Variants in ROS1 observed in about 807,000 individuals in gnomAD.
ROS1 encodes the protein ROS proto-oncogene 1, receptor tyrosine kinase, also known as proto-oncogene tyrosine-protein kinase ROS.
ROS1 carries 263 observed loss-of-function variants against 273.5 expected under a neutral mutation model. The observed-to-expected ratio is 0.96, with a 90% CI of 0.87 to 1.06. ROS1 has a LOEUF of 1.06. Among genes scored for constraint, ROS1 ranks in the 50% least tolerant of loss-of-function variants. ROS1 has a pLI of 0.00. For synonymous variants in ROS1, 1,008 were observed against 954.1 expected (o/e 1.06, Z -1.04); for missense variants, 2,833 against 2,751.1 (o/e 1.03, Z -0.67).
At position 117,317,140 on chromosome 6, in the gene ROS1, T is replaced by C. The variant is rs201754981; in HGVS notation, c.6117+3A>G. On this transcript the variant is annotated splice_donor_region_variant and intron_variant, in intron 39 of 43. Coordinates refer to ENST00000368507, the MANE Select transcript of ROS1 (RefSeq NM_001378902.1). ...ACCAATATTATGGATCCCAACTGCC[T>C]ACCGTTGCCATCCGGGCTTTACGCA... is the stretch of plus-strand genomic sequence containing the variant. 11 of 1,610,868 alleles carry C rather than the reference T, an allele frequency of 6.8e-6. No individual in the cohort carries two copies. Among genetic ancestry groups the C allele is most frequent in the Non-Finnish European group, 9.3e-6 (11 of 1,178,814 alleles).
intron 38 of ROS1, 22 bp downstream of exon 38, chr6:117,318,166 G>A (rs1447534213): frequency 2.5e-6 from 4 of 1,598,998 alleles, no homozygotes; most frequent in Non-Finnish European, 3.4e-6. Flanking sequence ...CCCATACCAG[G>A]AGAAAATTAT....
intron 39 of ROS1, among the ~76,000 whole-genome samples, chr6:117,315,771 G>C (rs535561887): frequency 6.6e-6 from 1 of 152,264 alleles, no homozygotes; most frequent in Admixed American, 6.5e-5. Context: ...TTCCCAGGTT[G>C]AATGTGAAGG....
chr6:117,371,679 C>T (rs1032773866), intron 18 of ROS1, among the ~76,000 whole-genome samples: 2 of 152,194 alleles, frequency 1.3e-5, no homozygotes, highest in Admixed American at 6.5e-5. Context: ...AGCAGGGAGG[C>T]TTGTAACCTG....
intron 13 of ROS1, 69 bp downstream of exon 13, chr6:117,389,281 C>T (rs201237437): frequency 1.1e-4 from 163 of 1,505,538 alleles, no homozygotes; most frequent in East Asian, 1.0e-3. Context: ...TGAATCACAA[C>T]GCCAAGCAGT....
At position 117,425,688 on chromosome 6, in the gene ROS1, G is replaced by T. The variant is rs149360578; in HGVS notation, c.-32C>A. The T allele has an allele frequency of 3.2e-5, 51 of 1,605,620 alleles. No individual in the cohort carries two copies. In the South Asian group the frequency reaches 5.2e-4, roughly 16 times the overall value. ...ACCAATGGCAGATTTTTAGATGGCC[G>T]GTCTAATTTTCTCCATTTTGCTATA... On this transcript the variant is annotated 5_prime_UTR_variant, in exon 1 of 44. Coordinates refer to ENST00000368507, the MANE Select transcript of ROS1 (RefSeq NM_001378902.1).
chr6:117,409,722 C>A, intron 4 of ROS1, 80 bp from the exon 5 acceptor site: 1 of 1,070,726 alleles, frequency 9.3e-7, no homozygotes, highest in South Asian at 1.3e-5. Context: ...ATTTTAAAAT[C>A]CGAATGCCTA....
At chr6:117,318,395 T>G in intron 37 of ROS1, 143 bp from the exon 38 acceptor site, 1 of 638,546 alleles carries the variant, frequency 1.6e-6, no homozygotes. Flanking sequence ...GTGCATGTAT[T>G]CTACAAACCC....
intron 12 of ROS1, among the ~76,000 whole-genome samples, chr6:117,392,792 T>C (rs766935840): frequency 5.9e-5 from 9 of 152,140 alleles, no homozygotes; most frequent in South Asian, 2.1e-4. Flanking sequence ...AACCTCTTGA[T>C]AGATGTGAGA....
rs148185831 is a variant in ROS1, at chr6:117,394,637, C to G, written c.985G>C (p.Ala329Pro). The change falls in exon 10 of 44, where the codon GCT becomes CCT. Residue 329 changes from alanine to proline, a missense_variant. Ala to Pro is a conservative substitution (Grantham distance 27). Transcript: ENST00000368507. ...VDEAHCLRLD[A>P]IYHNITGISV... The stretch of plus-strand genomic sequence containing the variant: ...TGACCTGTAATATTATGGTATATAG[C>G]ATCCAACCGAAGGCAATGTGCTTCA... The G allele has an allele frequency of 6.2e-7, 1 of 1,610,772 alleles. No individual in the cohort carries two copies.
At chr6:117,359,735 AT>A in intron 24 of ROS1, 73 bp downstream of exon 24, 1 of 1,234,804 alleles carries the variant, frequency 8.1e-7, no homozygotes, top group Non-Finnish European at 1.2e-6. Context: ...TTTTCCAGTC[AT>A]TTTAACTACA....
chr6:117,406,771 T>C (rs1246960994), intron 5 of ROS1, among the ~76,000 whole-genome samples: 4 of 152,196 alleles, frequency 2.6e-5, no homozygotes, highest in African/African-American at 9.7e-5. Flanking sequence ...ATTTGGTAGA[T>C]ATTTGAAACA....
chr6:117,291,624 T>G (rs528541554), intron 43 of ROS1, among the ~76,000 whole-genome samples: 1 of 152,312 alleles, frequency 6.6e-6, no homozygotes, highest in African/African-American at 2.4e-5. Flanking sequence ...AACCTCAGTT[T>G]TCTCATCTGT....
In ROS1 at chr6:117,383,297, C is replaced by G; in HGVS notation, c.2481+20G>C. On this transcript the variant is annotated intron_variant, in intron 17 of 43. Transcript: ENST00000368507. ...GAGCTATTCAGTATTACTAAATGATCAGATCTTTTAATTTGTCACCTTTTT... is the reference window on the plus strand; with the variant it reads ...GAGCTATTCAGTATTACTAAATGATGAGATCTTTTAATTTGTCACCTTTTT... 2 of 1,584,562 alleles carry G rather than the reference C, an allele frequency of 1.3e-6. No homozygotes were observed. Among genetic ancestry groups the G allele is most frequent in the Non-Finnish European group, 1.7e-6 (2 of 1,154,036 alleles).
rs2128637935 is a variant in ROS1 at position 117,353,054 on chromosome 6, G to A, written c.4239C>T (p.Ser1413=). 6.2e-7 allele frequency: 1 copy of A among 1,614,056 alleles called. No individual in the cohort carries two copies. The highest frequency in any genetic ancestry group is 8.5e-7 in the Non-Finnish European group (1 of 1,179,976). Residue 1413 remains serine, a synonymous_variant, in exon 27 of 44, where the codon TCC becomes TCT. Coordinates refer to ENST00000368507, the MANE Select transcript of ROS1 (RefSeq NM_001378902.1). Reference sequence around the variant, plus strand: ...GCCTACTCCTTAGGGCCTTCACCTGGGAAACGATGGCCCCATTTCCTTTCT... The same window carrying A: ...GCCTACTCCTTAGGGCCTTCACCTGAGAAACGATGGCCCCATTTCCTTTCT... The part of the protein sequence containing the change: ...QAKKGNGAIV[S]QVKALRSRHI...
chr6:117,354,279 G>A (rs1779113816), intron 26 of ROS1, among the ~76,000 whole-genome samples: 1 of 152,084 alleles, frequency 6.6e-6, no homozygotes, highest in African/African-American at 2.4e-5. Flanking sequence ...CCTGAGCCTG[G>A]GAGATGGAGG....
chr6:117,410,928 A>C (rs1332698050), intron 4 of ROS1, among the ~76,000 whole-genome samples: 1 of 152,168 alleles, frequency 6.6e-6, no homozygotes, highest in Non-Finnish European at 1.5e-5. Flanking sequence ...ATTTTAGTGA[A>C]GCCTTCAACA....
intron 36 of ROS1, among the ~76,000 whole-genome samples, chr6:117,320,456 C>T: frequency 6.6e-6 from 1 of 152,158 alleles, no homozygotes; most frequent in Non-Finnish European, 1.5e-5. Flanking sequence ...TTACGTAAAA[C>T]AAAATTTACT....
intron 1 of ROS1, 104 bp downstream of exon 1, chr6:117,425,430 T>C: frequency 8.3e-7 from 1 of 1,210,454 alleles, no homozygotes. Context: ...CCACTTCTCA[T>C]AAGAAAACTC....
intron 32 of ROS1, among the ~76,000 whole-genome samples, chr6:117,336,775 G>A (rs1450133294): frequency 1.3e-5 from 2 of 151,980 alleles, no homozygotes; most frequent in East Asian, 1.9e-4. Context: ...CAGAGTTAAG[G>A]TATATCTTTC....
Sources: allele counts gnomAD v4.1 joint callset (sites outside exome capture counted in the v4.1 genomes callset), GRCh38; gene constraint gnomAD v4.1.1; transcripts MANE v1.5; gene names NCBI Gene and HGNC (gene_info 2026-07-23, HGNC 2026-07-21).